TRPC4AP: variants seen among roughly 807,000 people sequenced by gnomAD.
TRPC4AP encodes short transient receptor potential channel 4-associated protein.
TRPC4AP carries 45 observed loss-of-function variants against 99.0 expected under a neutral mutation model. The observed-to-expected ratio is 0.45, with a 90% CI of 0.36 to 0.58. TRPC4AP has a LOEUF of 0.58. Among genes scored for constraint, TRPC4AP ranks in the 20% least tolerant of loss-of-function variants. TRPC4AP has a pLI of 0.00. For synonymous variants in TRPC4AP, 408 were observed against 385.8 expected, an observed-to-expected ratio of 1.06 and a Z score of -0.67; for missense variants, 879 against 985.3, an observed-to-expected ratio of 0.89 and a Z score of 1.44.
chr20:35,026,822 A>T (rs1054223972), intron 8 of TRPC4AP, among the ~76,000 whole-genome samples: 11 of 152,088 alleles, frequency 7.2e-5, no homozygotes, highest in African/African-American at 2.2e-4. Flanking sequence ...ATCCTATTAT[A>T]AATAAAATTG....
chr20:35,023,705 G>A (rs531270974), intron 8 of TRPC4AP, among the ~76,000 whole-genome samples: 6 of 152,308 alleles, frequency 3.9e-5, no homozygotes, highest in Non-Finnish European at 7.3e-5. Context: ...TGCCTCTGTC[G>A]TGCACTGCTG....
At chr20:35,015,414 T>C (rs571029554) in intron 10 of TRPC4AP, among the ~76,000 whole-genome samples, 13 of 150,200 alleles carry the variant, frequency 8.7e-5, no homozygotes, top group African/African-American at 3.2e-4. Context: ...GAGATCCCTA[T>C]CACAGAGATT....
intron 8 of TRPC4AP, among the ~76,000 whole-genome samples, chr20:35,030,059 T>C (rs2083143755): frequency 6.7e-6 from 1 of 150,206 alleles, no homozygotes; most frequent in Non-Finnish European, 1.5e-5. Flanking sequence ...CTGACTAACA[T>C]GGAGAAACCC....
At chr20:35,079,768 G>C (rs992186677) in intron 1 of TRPC4AP, among the ~76,000 whole-genome samples, 3 of 151,990 alleles carry the variant, frequency 2.0e-5, no homozygotes, top group African/African-American at 4.8e-5. Context: ...TATTTGCCTA[G>C]CACTTTGGGA....
intron 8 of TRPC4AP, among the ~76,000 whole-genome samples, chr20:35,033,756 C>A (rs2083255145): frequency 6.6e-6 from 1 of 151,998 alleles, no homozygotes; most frequent in Non-Finnish European, 1.5e-5. Flanking sequence ...CTCTGGGAGG[C>A]CAAGGAGGGT....
chr20:35,081,860 C>T (rs745800265), intron 1 of TRPC4AP, among the ~76,000 whole-genome samples: 5 of 152,082 alleles, frequency 3.3e-5, no homozygotes, highest in Non-Finnish European at 5.9e-5. Context: ...TGGCACAGGC[C>T]TGTAATCCCA....
At chr20:35,048,378 A>C (rs1202425913) in intron 6 of TRPC4AP, among the ~76,000 whole-genome samples, 1 of 151,844 alleles carries the variant, frequency 6.6e-6, no homozygotes, top group African/African-American at 2.4e-5. Context: ...TGCCTGGCTA[A>C]TTTTTGTATT....
At chr20:35,059,721 A>G (rs370651373) in intron 3 of TRPC4AP, among the ~76,000 whole-genome samples, 8 of 145,876 alleles carry the variant, frequency 5.5e-5, no homozygotes, top group Admixed American at 1.4e-4. Flanking sequence ...AAGAAGAAGA[A>G]GAAGAGGAAG....
At position 35,065,167 on chromosome 20, in the gene TRPC4AP, C is replaced by A. The variant is rs186418840; in HGVS notation, c.414+4129G>T. On this transcript the variant is annotated intron_variant, in intron 3 of 18. Coordinates refer to ENST00000252015, the MANE Select transcript of TRPC4AP (RefSeq NM_015638.3). Reference sequence around the variant, plus strand: ...TCAGTGAATAAAAGTTCCTGAATGCCAAGCAATGGCTTACACCTGGCCCAC... The same window carrying A: ...TCAGTGAATAAAAGTTCCTGAATGCAAAGCAATGGCTTACACCTGGCCCAC... Among the ~76,000 whole-genome samples, 354 of 152,282 alleles carry A rather than the reference C, an allele frequency of 2.3e-3. 2 individuals are homozygous for A. The highest frequency in any genetic ancestry group is 0.014 in the Middle Eastern group (4 of 294).
intron 1 of TRPC4AP, among the ~76,000 whole-genome samples, chr20:35,086,085 T>C (rs1348172492): frequency 1.4e-5 from 2 of 138,452 alleles, no homozygotes; most frequent in African/African-American, 2.7e-5. Flanking sequence ...TGCCACCAAG[T>C]AGCTGGGATT....
At chr20:35,078,362 A>G (rs531870332) in intron 1 of TRPC4AP, among the ~76,000 whole-genome samples, 188 bp from the exon 2 acceptor site, 309 of 152,332 alleles carry the variant, frequency 2.0e-3, no homozygotes, top group Non-Finnish European at 3.6e-3. Context: ...ATGTTATAAT[A>G]AGAAGGAGGG....
intron 8 of TRPC4AP, among the ~76,000 whole-genome samples, chr20:35,030,809 G>T (rs901807341): frequency 6.6e-6 from 1 of 152,184 alleles, no homozygotes; most frequent in Non-Finnish European, 1.5e-5. Flanking sequence ...AAAAGGAGAA[G>T]AAATATGCAT....
At chr20:35,037,524 T>C (rs555117954) in intron 7 of TRPC4AP, among the ~76,000 whole-genome samples, 16 of 152,244 alleles carry the variant, frequency 1.1e-4, no homozygotes, top group African/African-American at 3.6e-4. Context: ...CAAATGTCCA[T>C]TAACTGAAGG....
chr20:35,008,684 C>T lies in TRPC4AP; in HGVS notation c.1575G>A (p.Glu525=), dbSNP rs778089035. Residue 525 remains glutamate (E), a synonymous_variant, in exon 13 of 19, where the codon GAG becomes GAA. Coordinates refer to ENST00000252015, the MANE Select transcript of TRPC4AP (RefSeq NM_015638.3). ...CTCACCTGAAAGACGACTCTGCTGG[C>T]TCCTTCTTCATGACCTGCAGCAGAC... The part of the protein sequence containing the change: ...LTRLLQVMKK[E]PAESSFRFWQ... 1 of 1,613,896 alleles carries T rather than the reference C, an allele frequency of 6.2e-7. No homozygotes were observed. Among genetic ancestry groups the T allele is most frequent in the Admixed American group, 1.7e-5 (1 of 59,978 alleles).
At position 35,084,608 on chromosome 20, in the gene TRPC4AP, GTA is replaced by G. The variant is rs11469575; in HGVS notation, c.169-6436_169-6435del. Among the ~76,000 whole-genome samples, 127 of 107,490 alleles carry G rather than the reference GTA, an allele frequency of 1.2e-3. 7 individuals are homozygous for G. The highest frequency in any genetic ancestry group is 1.5e-3 in the African/African-American group (43 of 28,844). 70.5% of individuals were successfully genotyped at this position (107,490 alleles called of 152,430 possible). On this transcript the variant is annotated intron_variant, in intron 1 of 18. Transcript: ENST00000252015. ...TGTTTATATGCATATATGTGTATAT[GTA>G]TATATGTTTATATGCATATATGTGT...
At chr20:35,054,131 C>A (rs748530840) in intron 5 of TRPC4AP, among the ~76,000 whole-genome samples, 1 of 152,028 alleles carries the variant, frequency 6.6e-6, no homozygotes, top group Non-Finnish European at 1.5e-5. Context: ...TTTGCATACA[C>A]CCACAAGATG....
chr20:35,050,197 T>G (rs567783335), intron 5 of TRPC4AP, among the ~76,000 whole-genome samples: 5 of 152,334 alleles, frequency 3.3e-5, no homozygotes, highest in African/African-American at 1.2e-4. Flanking sequence ...ACGTGCAGGC[T>G]ACACAAGTGG....
At chr20:35,072,006 G>A (rs976876886) in intron 2 of TRPC4AP, among the ~76,000 whole-genome samples, 1 of 152,152 alleles carries the variant, frequency 6.6e-6, no homozygotes, top group Non-Finnish European at 1.5e-5. Context: ...ATCTCATTGT[G>A]GTTTTGATTT....
intron 10 of TRPC4AP, 60 bp downstream of exon 10, chr20:35,015,948 C>G: frequency 6.2e-7 from 1 of 1,604,222 alleles, no homozygotes; most frequent in Non-Finnish European, 8.5e-7. Context: ...AGCAGCAGGT[C>G]TTGAAACAAC....
Sources: allele counts gnomAD v4.1 joint callset (sites outside exome capture counted in the v4.1 genomes callset), GRCh38; gene constraint gnomAD v4.1.1; transcripts MANE v1.5; gene names NCBI Gene and HGNC (gene_info 2026-07-23, HGNC 2026-07-21).